The following CADM2 variants were observed in gnomAD, a reference collection of about 807,000 sequenced individuals.
The protein encoded by CADM2 is immunoglobulin superfamily member 4D.
CADM2 carries 12 observed loss-of-function variants against 49.8 expected under a neutral mutation model. The ratio of observed to expected loss-of-function variants is 0.24; its 90% confidence interval spans 0.15 to 0.39. The LOEUF (loss-of-function observed/expected upper bound fraction) is 0.39, where lower values mean the gene tolerates loss of function less well. Among genes scored for constraint, CADM2 ranks in the 10% least tolerant of loss-of-function variants. CADM2 has a pLI of 1.00. For missense variants in CADM2, 378 were observed against 492.3 expected (o/e 0.77, Z 2.20); for synonymous variants, 214 against 175.4 (o/e 1.22, Z -1.74).
chr3:84,967,916 T>G (rs2031128515), intron 1 of CADM2, among the ~76,000 whole-genome samples: 1 of 152,122 alleles, frequency 6.6e-6, no homozygotes, highest in East Asian at 1.9e-4. Context: ...GGGAAAGGAA[T>G]GTGAGTCAGC....
At chr3:85,474,844 G>A (rs1158320661) in intron 1 of CADM2, among the ~76,000 whole-genome samples, 4 of 151,772 alleles carry the variant, frequency 2.6e-5, no homozygotes, top group African/African-American at 9.7e-5. Context: ...GAGCTTATAT[G>A]TGCCATGGCT....
In CADM2 at chr3:85,442,322, C is replaced by G. The variant is rs574673176; in HGVS notation, c.62-284200C>G. 5.9e-5 allele frequency among the ~76,000 whole-genome samples: 9 copies of G among 151,956 alleles called. No individual in the cohort carries two copies. In the Middle Eastern group the frequency reaches 0.01, roughly 172 times the overall value. On this transcript the variant is annotated intron_variant, in intron 1 of 9. Transcript: ENST00000383699. The stretch of plus-strand genomic sequence containing the variant: ...ACAGAATTCTCCTTCACACAATGAA[C>G]TTTAAAATAATTTACACAAATGTAT...
intron 8 of CADM2, among the ~76,000 whole-genome samples, chr3:85,962,475 C>T (rs1724959734): frequency 6.6e-6 from 1 of 151,288 alleles, no homozygotes; most frequent in Admixed American, 6.7e-5. Context: ...CTATTTACCT[C>T]ACAATTTGAG....
At chr3:86,028,107 T>C (rs1577996326) in intron 8 of CADM2, 1 of 149,996 alleles carries the variant, frequency 6.7e-6, no homozygotes, top group African/African-American at 2.5e-5. Context: ...TGTTAAATGA[T>C]GAGTTAATGG....
intron 8 of CADM2, among the ~76,000 whole-genome samples, chr3:86,028,270 G>T (rs1007487125): frequency 6.8e-6 from 1 of 146,388 alleles, no homozygotes; most frequent in Non-Finnish European, 1.5e-5. Context: ...TTCAGGCAAA[G>T]AAATTGCAAT....
rs545849718 is a variant in CADM2, at chr3:85,053,601, A to G, written c.61+93933A>G. On this transcript the variant is annotated intron_variant, in intron 1 of 9. Coordinates refer to ENST00000383699, the MANE Select transcript of CADM2 (RefSeq NM_001167675.2). Reference sequence around the variant, plus strand: ...CCATAGAGATATTGTATAAAGAAGAATGTTCTAGAAATTAAACTTGTTCCT... The same window carrying G: ...CCATAGAGATATTGTATAAAGAAGAGTGTTCTAGAAATTAAACTTGTTCCT... Among the ~76,000 whole-genome samples, 16 of 152,076 alleles carry G rather than the reference A, an allele frequency of 1.1e-4. No individual in the cohort carries two copies. In the South Asian group the frequency reaches 2.1e-3, roughly 20 times the overall value.
At chr3:85,232,465 A>C (rs1054769366) in intron 1 of CADM2, among the ~76,000 whole-genome samples, 5 of 152,180 alleles carry the variant, frequency 3.3e-5, no homozygotes, top group Non-Finnish European at 4.4e-5. Flanking sequence ...TTACTTAAAA[A>C]TACAAAGAAA....
intron 1 of CADM2, among the ~76,000 whole-genome samples, chr3:85,355,257 C>T (rs1433220256): frequency 6.6e-6 from 1 of 152,010 alleles, no homozygotes; most frequent in Non-Finnish European, 1.5e-5. Flanking sequence ...AGGAATGCAT[C>T]ATCCGTCTCT....
At chr3:85,947,483 T>C (rs1173696907) in intron 7 of CADM2, among the ~76,000 whole-genome samples, 5 of 151,578 alleles carry the variant, frequency 3.3e-5, no homozygotes, top group East Asian at 2.0e-4. Flanking sequence ...AAAAGCAATA[T>C]AGTCAGTTTC....
At chr3:85,343,443 C>T (rs1241379749) in intron 1 of CADM2, among the ~76,000 whole-genome samples, 1 of 152,100 alleles carries the variant, frequency 6.6e-6, no homozygotes, top group Non-Finnish European at 1.5e-5. Flanking sequence ...ATTTTCCCCT[C>T]AAGTTTATCA....
chr3:85,838,580 G>GA (rs1226567861), intron 3 of CADM2, among the ~76,000 whole-genome samples: 1 of 151,760 alleles, frequency 6.6e-6, no homozygotes, highest in East Asian at 1.9e-4. Context: ...GAGGAGAGGG[G>GA]AGGACCTTAA....
intron 1 of CADM2, among the ~76,000 whole-genome samples, chr3:85,676,409 ATTAAT>A (rs1461136581): frequency 1.3e-5 from 2 of 152,176 alleles, no homozygotes; most frequent in Non-Finnish European, 2.9e-5. Context: ...ACCCATGCCT[ATTAAT>A]TTAAAGTGTA....
intron 3 of CADM2, among the ~76,000 whole-genome samples, chr3:85,841,414 C>T (rs1471222798): frequency 1.3e-5 from 2 of 151,808 alleles, no homozygotes; most frequent in African/African-American, 4.8e-5. Context: ...TTTATTTAGT[C>T]CTACCATCTT....
At chr3:85,147,275 CAAAAAA>C (rs759888985) in intron 1 of CADM2, among the ~76,000 whole-genome samples, 31 of 46,002 alleles carry the variant, frequency 6.7e-4, no homozygotes, top group African/African-American at 1.5e-3. Flanking sequence ...GACTCTGTCT[CAAAAAA>C]AAAAAAAAAA....
chr3:85,955,706 A>G (rs1723973494), intron 7 of CADM2, among the ~76,000 whole-genome samples: 1 of 151,518 alleles, frequency 6.6e-6, no homozygotes, highest in Non-Finnish European at 1.5e-5. Flanking sequence ...TCAACATCTG[A>G]GAGACTTGTG....
At chr3:85,779,157 T>C (rs531380296) in intron 2 of CADM2, among the ~76,000 whole-genome samples, 10 of 151,798 alleles carry the variant, frequency 6.6e-5, no homozygotes, top group African/African-American at 2.4e-4. Context: ...ATGGGGCATA[T>C]TTTTGGTCAA....
At chr3:85,504,308 G>C (rs748333944) in intron 1 of CADM2, among the ~76,000 whole-genome samples, 1 of 152,150 alleles carries the variant, frequency 6.6e-6, no homozygotes, top group Non-Finnish European at 1.5e-5. Flanking sequence ...CAGGAGTGAA[G>C]CTGCAGACCT....
intron 3 of CADM2, among the ~76,000 whole-genome samples, chr3:85,836,273 C>T (rs953360064): frequency 2.0e-5 from 3 of 151,500 alleles, no homozygotes; most frequent in Non-Finnish European, 4.4e-5. Flanking sequence ...GAAAAAAGCC[C>T]AGAGGGCATG....
intron 1 of CADM2, among the ~76,000 whole-genome samples, chr3:85,696,962 G>A (rs760373201): frequency 6.6e-6 from 1 of 151,452 alleles, no homozygotes; most frequent in Non-Finnish European, 1.5e-5. Flanking sequence ...CATAAATAGA[G>A]CAGTACTATT....
Sources: allele counts gnomAD v4.1 joint callset (sites outside exome capture counted in the v4.1 genomes callset), GRCh38; gene constraint gnomAD v4.1.1; transcripts MANE v1.5; gene names NCBI Gene and HGNC (gene_info 2026-07-23, HGNC 2026-07-21).